FAT2: variants seen among roughly 807,000 people sequenced by gnomAD.
FAT2 encodes the protein protocadherin Fat 2.
Under a neutral mutation model 295.3 loss-of-function variants are expected in FAT2, and 150 were observed. The observed-to-expected ratio is 0.51, with a 90% CI of 0.44 to 0.58. FAT2 has a LOEUF of 0.58. Ranked by LOEUF, FAT2 falls within the 20% of genes least tolerant of loss-of-function variation. The pLI is 0.00. For missense variants in FAT2, 4,868 were observed against 5,442.7 expected (o/e 0.89, Z 3.32); for synonymous variants, 2,026 against 2,150.3 (o/e 0.94, Z 1.60).
chr5:151,574,152 T>G (rs1185744117), intron 1 of FAT2, among the ~76,000 whole-genome samples: 3 of 152,104 alleles, frequency 2.0e-5, no homozygotes, highest in Non-Finnish European at 4.4e-5. Flanking sequence ...TGAGAGTCAG[T>G]GTAATAAGCT....
chr5:151,507,083 A>G, intron 23 of FAT2, 71 bp downstream of exon 23: 1 of 1,367,606 alleles, frequency 7.3e-7, no homozygotes, highest in South Asian at 1.4e-5. Context: ...TGTGCCTCAG[A>G]TAACGGAGTG....
At chr5:151,538,244 C>T (rs1267852206) in intron 11 of FAT2, among the ~76,000 whole-genome samples, 1 of 152,184 alleles carries the variant, frequency 6.6e-6, no homozygotes, top group Non-Finnish European at 1.5e-5. Flanking sequence ...GTTCTGTCAT[C>T]CAAAAGCCCA....
chr5:151,568,133 T>G lies in FAT2; in HGVS notation c.799A>C (p.Asn267His). 1.2e-6 allele frequency: 2 copies of G among 1,614,224 alleles called. No individual in the cohort carries two copies. The highest frequency in any genetic ancestry group is 1.7e-6 in the Non-Finnish European group (2 of 1,180,030). ...ASVVVTPPDS[N>H]DGTTYATVLV... is the part of the protein sequence containing the mutation. ...ACAGTGGCATAGGTGGTACCATCAT[T>G]GCTGTCTGGTGGAGTCACCACCACC... Residue 267 changes from asparagine (N) to histidine (H), a missense_variant, in exon 2 of 24, where the codon AAT becomes CAT. By Grantham distance (68) the Asn-to-His change is moderately conservative (BLOSUM62 1). Transcript: ENST00000261800.
rs1387057319 is a variant in FAT2, at chr5:151,510,023, G to C, written c.12057C>G (p.Asp4019Glu). The C allele has an allele frequency of 5.0e-6, 8 of 1,613,826 alleles. No individual in the cohort carries two copies. Among genetic ancestry groups the C allele is most frequent in the South Asian group, 2.2e-5 (2 of 91,076 alleles). ...SCNCPHPYTG[D>E]RCEMEARGCS... Reference sequence around the variant, plus strand: ...CAGGTGGCCTCTCCTGGGATTACCTGTCTCCTGTGTAAGGATGAGGGCAGT... The same window carrying C: ...CAGGTGGCCTCTCCTGGGATTACCTCTCTCCTGTGTAAGGATGAGGGCAGT... The change falls in exon 22 of 24, where the codon GAC becomes GAG. Residue 4019 changes from aspartate (D) to glutamate (E), a missense_variant and splice_region_variant. Physicochemically the swap from Asp to Glu is conservative, Grantham distance 45. Around this residue, in one of 5 missense-constraint regions of FAT2, gnomAD observed 492 missense variants for 482.6 expected, o/e 1.02. Coordinates refer to ENST00000261800, the MANE Select transcript of FAT2 (RefSeq NM_001447.3).
Position 151,567,655 on chromosome 5 carries a change from C to T in FAT2, c.1277G>A (p.Arg426Lys), listed in dbSNP as rs140673312. The T allele has an allele frequency of 1.5e-4, 243 of 1,614,132 alleles. No homozygotes were observed. Among genetic ancestry groups the T allele is most frequent in the Admixed American group, 2.3e-4 (14 of 60,024 alleles). The change falls in exon 2 of 24, where the codon AGA becomes AAA. Residue 426 changes from arginine to lysine, a missense_variant. Transcript: ENST00000261800. ...TCTGATGTGTAGCTGATAGTGGGCT[C>T]TGTCGTGGAAGTCCATGAGCTTTGT... is the stretch of plus-strand genomic sequence containing the variant. Reference protein sequence around the residue: ...TTTKLMDFHDRAHYQLHIRTS... With the variant: ...TTTKLMDFHDKAHYQLHIRTS...
At chr5:151,559,175 G>A (rs924466806) in intron 3 of FAT2, among the ~76,000 whole-genome samples, 1 of 152,254 alleles carries the variant, frequency 6.6e-6, no homozygotes, top group African/African-American at 2.4e-5. Flanking sequence ...GGCAATGGGA[G>A]TGTGGTGTGA....
At chr5:151,527,152 C>G (rs1754099456) in intron 17 of FAT2, 82 bp downstream of exon 17, 1 of 1,366,252 alleles carries the variant, frequency 7.3e-7, no homozygotes, top group Non-Finnish European at 1.0e-6. Context: ...TTCATGTGGA[C>G]TAATGCCACT....
chr5:151,587,524 T>G (rs1414944769), intron 1 of FAT2, among the ~76,000 whole-genome samples: 1 of 152,204 alleles, frequency 6.6e-6, no homozygotes, highest in Non-Finnish European at 1.5e-5. Flanking sequence ...TTAACTCTCA[T>G]TCAGCCTTTA....
rs573511043 is a variant in FAT2 at position 151,551,483 on chromosome 5, C to T, written c.4280G>A (p.Arg1427His). 22 of 1,614,098 alleles carry T rather than the reference C, an allele frequency of 1.4e-5. No homozygotes were observed. The highest frequency in any genetic ancestry group is 5.3e-5 in the African/African-American group (4 of 75,042). Residue 1427 changes from arginine to histidine, a missense_variant, in exon 7 of 24, where the codon CGC becomes CAC. Around this residue, in one of 5 missense-constraint regions of FAT2, gnomAD observed 3,297 missense variants for 3,669.4 expected, o/e 0.90. Coordinates refer to ENST00000261800, the MANE Select transcript of FAT2 (RefSeq NM_001447.3). ...GCCTCTAACCTGTGTGGCAATGGTG[C>T]GGGACCCATCTGTCACCTCAACAGT... ...NLTVEVTDGS[R>H]TIATQVHIFM... is the part of the protein sequence containing the mutation.
At position 151,506,140 on chromosome 5, in the gene FAT2, G is replaced by A. The variant is rs757804668; in HGVS notation, c.12518-43C>T. ...GATAGGGTGAGCTCATTTTCTCCCC[G>A]GAAGGTTTCAGCTGGCTCTATAGCA... On this transcript the variant is annotated intron_variant, in intron 23 of 23. Coordinates refer to ENST00000261800, the MANE Select transcript of FAT2 (RefSeq NM_001447.3). 1.9e-5 allele frequency: 28 copies of A among 1,490,866 alleles called. No homozygotes were observed. In the Admixed American group the frequency reaches 3.3e-4, roughly 18 times the overall value. The allele number at this position is 1,490,866 out of a possible 1,614,324, so 92.4% of individuals were successfully genotyped here.
Position 151,565,907 on chromosome 5 carries a change from C to T in FAT2, c.3025G>A (p.Ala1009Thr). 6.2e-7 allele frequency: 1 copy of T among 1,614,030 alleles called. No homozygotes were observed. The highest frequency in any genetic ancestry group is 8.5e-7 in the Non-Finnish European group (1 of 1,180,016). Residue 1009 changes from alanine (A) to threonine (T), a missense_variant, in exon 2 of 24, where the codon GCC becomes ACC. Transcript: ENST00000261800. Reference protein sequence around the residue: ...LWASDGGRPLARRTLCHVEVI... With the variant: ...LWASDGGRPLTRRTLCHVEVI... ...TCCACATGGCAGAGAGTCCTGCGGG[C>T]TAGGGGCCTCCCACCATCACTGGCC...
chr5:151,585,942 T>A (rs1175173454), intron 1 of FAT2, among the ~76,000 whole-genome samples: 1 of 151,994 alleles, frequency 6.6e-6, no homozygotes, highest in Non-Finnish European at 1.5e-5. Context: ...CTCAGAAAGG[T>A]GGAATCATGT....
At chr5:151,538,825 T>C (rs1755781372) in intron 11 of FAT2, among the ~76,000 whole-genome samples, 2 of 151,504 alleles carry the variant, frequency 1.3e-5, no homozygotes, top group Non-Finnish European at 1.5e-5. Context: ...TACAGGTGCG[T>C]GCCACCACAC....
At position 151,554,397 on chromosome 5, in the gene FAT2, T is replaced by C. The variant is rs776076166; in HGVS notation, c.3910A>G (p.Ser1304Gly). Reference protein sequence around the residue: ...DLVTGVVSSSSTFTAGEYNIL... With the variant: ...DLVTGVVSSSGTFTAGEYNIL... ...TTGTACTCTCCAGCTGTAAAAGTGC[T>C]GCTGGATGAAACCACACCTGTGACC... The change falls in exon 5 of 24, where the codon AGC becomes GGC. Residue 1304 changes from serine (S) to glycine (G), a missense_variant. Ser to Gly is a moderately conservative substitution (Grantham distance 56). This residue lies in a region of FAT2 where 3,297 missense variants were observed against 3,669.4 expected (regional missense o/e 0.90). Coordinates refer to ENST00000261800, the MANE Select transcript of FAT2 (RefSeq NM_001447.3). The C allele has an allele frequency of 5.0e-6, 8 of 1,614,210 alleles. No homozygotes were observed. The highest frequency in any genetic ancestry group is 6.8e-6 in the Non-Finnish European group (8 of 1,180,032).
rs1267659337 is a variant in FAT2 at position 151,554,433 on chromosome 5, T to C, written c.3874A>G (p.Ser1292Gly). 24 of 1,614,114 alleles carry C rather than the reference T, an allele frequency of 1.5e-5. No homozygotes were observed. Among genetic ancestry groups the C allele is most frequent in the Non-Finnish European group, 1.9e-5 (23 of 1,180,038 alleles). Residue 1292 changes from serine to glycine, a missense_variant, in exon 5 of 24, where the codon AGT becomes GGT. Ser to Gly is a moderately conservative substitution (Grantham distance 56, BLOSUM62 0). This residue lies in a region of FAT2 where 3,297 missense variants were observed against 3,669.4 expected (regional missense o/e 0.90). Coordinates refer to ENST00000261800, the MANE Select transcript of FAT2 (RefSeq NM_001447.3). ...SIEDSDEEAF[S>G]IDLVTGVVSS... ...ACCACACCTGTGACCAGGTCGATACTGAAGGCCTCCTCATCGCTGTCCTCG... is the reference window on the plus strand; with the variant it reads ...ACCACACCTGTGACCAGGTCGATACCGAAGGCCTCCTCATCGCTGTCCTCG...
chr5:151,551,969 C>A (rs1757253686), intron 6 of FAT2, among the ~76,000 whole-genome samples: 1 of 137,734 alleles, frequency 7.3e-6, no homozygotes, highest in Non-Finnish European at 1.5e-5. Flanking sequence ...TTTAATATAA[C>A]CCTAAGGGTG....
rs772694360 is a variant in FAT2 at position 151,531,952 on chromosome 5, A to G, written c.9446T>C (p.Val3149Ala). The G allele has an allele frequency of 9.3e-6, 15 of 1,614,044 alleles. No individual in the cohort carries two copies. Among genetic ancestry groups the G allele is most frequent in the Non-Finnish European group, 1.3e-5 (15 of 1,180,024 alleles). ...DPDQGANAQV[V>A]YSLPDSAEGH... ...TTCGGCTGAATCCGGCAGAGAGTAAACCACCTGGGCATTGGCGCCTGGCAG... is the reference window on the plus strand; with the variant it reads ...TTCGGCTGAATCCGGCAGAGAGTAAGCCACCTGGGCATTGGCGCCTGGCAG... The change falls in exon 14 of 24, where the codon GTT becomes GCT. Residue 3149 changes from valine to alanine, a missense_variant. This residue lies in a region of FAT2 where 1,046 missense variants were observed against 1,210.1 expected (regional missense o/e 0.86). Transcript: ENST00000261800. The surrounding 1 kb of genome is among the most constrained non-coding windows in gnomAD (Gnocchi z 5.7).
At chr5:151,532,563 G>C (rs1754768989) in intron 13 of FAT2, among the ~76,000 whole-genome samples, 1 of 152,208 alleles carries the variant, frequency 6.6e-6, no homozygotes, top group Non-Finnish European at 1.5e-5. Context: ...TGCATGAAGA[G>C]GGCACACAGT....
In FAT2 at chr5:151,566,981, G is replaced by T. The variant is rs779161128; in HGVS notation, c.1951C>A (p.Pro651Thr). The T allele has an allele frequency of 6.2e-7, 1 of 1,614,102 alleles. No individual in the cohort carries two copies. The highest frequency in any genetic ancestry group is 1.1e-5 in the South Asian group (1 of 91,080). Residue 651 changes from proline to threonine, a missense_variant, in exon 2 of 24, where the codon CCC becomes ACC. Coordinates refer to ENST00000261800, the MANE Select transcript of FAT2 (RefSeq NM_001447.3). ...ACCACAGTAATATTCAAAGTTGTGG[G>T]TGAGGCATAGTTTTTGCCATCTGAG... ...TASDGKNYAS[P>T]TTLNITVVKD...
Sources: gnomAD v4.1 joint callset for allele counts (sites outside exome capture counted in the v4.1 genomes callset) on GRCh38, gnomAD v4.1.1 for gene constraint, gnomAD v4.1.1 regional missense constraint, Gnocchi (gnomAD v3.1) non-coding constraint, MANE v1.5 for transcripts, NCBI Gene and HGNC (gene_info 2026-07-23, HGNC 2026-07-21) for gene names.